The following TCF4 variants were observed in gnomAD, a reference collection of about 807,000 sequenced individuals.
The protein encoded by TCF4 is transcription factor 4.
Under a neutral mutation model 82.1 loss-of-function variants are expected in TCF4, and 3 were observed. The observed-to-expected ratio is 0.04, with a 90% CI of 0.02 to 0.09. The LOEUF is 0.09. Ranked by LOEUF, TCF4 falls within the 10% of genes least tolerant of loss-of-function variation. The probability of loss-of-function intolerance (pLI) is 1.00; values close to 1 mark genes in which losing one functional copy is unlikely to be tolerated. For missense variants in TCF4, 518 were observed against 852.7 expected, an observed-to-expected ratio of 0.61 and a Z score of 4.89; for synonymous variants, 276 against 309.6, an observed-to-expected ratio of 0.89 and a Z score of 1.14.
chr18:55,427,338 A>G (rs8096211), intron 5 of TCF4, among the ~76,000 whole-genome samples: 14,360 of 152,156 alleles, frequency 0.094, 1,389 homozygotes, highest in African/African-American at 0.24. Flanking sequence ...ATGAGTGTCC[A>G]TTTTCTCATC....
intron 3 of TCF4, among the ~76,000 whole-genome samples, chr18:55,538,626 T>G (rs971143647): frequency 1.3e-5 from 2 of 152,178 alleles, no homozygotes; most frequent in African/African-American, 4.8e-5. Context: ...CTTTTAGTGT[T>G]GGTCATCCTA....
At chr18:55,477,127 T>C (rs1354304824) in intron 3 of TCF4, among the ~76,000 whole-genome samples, 2 of 152,266 alleles carry the variant, frequency 1.3e-5, no homozygotes, top group Non-Finnish European at 2.9e-5. Flanking sequence ...CACGATAATG[T>C]AACCACAATT....
chr18:55,379,156 A>G (rs985834424), intron 6 of TCF4, among the ~76,000 whole-genome samples: 1 of 152,232 alleles, frequency 6.6e-6, no homozygotes, highest in African/African-American at 2.4e-5. Context: ...ATTGAATTAT[A>G]AATGTAGAAA....
chr18:55,253,892 T>C (rs1046286121), intron 15 of TCF4, among the ~76,000 whole-genome samples: 7 of 152,150 alleles, frequency 4.6e-5, no homozygotes, highest in Non-Finnish European at 8.8e-5. Context: ...ACACCAACAA[T>C]GACCCAGCAA....
chr18:55,585,084 A>G (rs1321502496), intron 3 of TCF4, among the ~76,000 whole-genome samples, 196 bp downstream of exon 3: 1 of 152,230 alleles, frequency 6.6e-6, no homozygotes, highest in African/African-American at 2.4e-5. Context: ...TGACTTAAAA[A>G]AAAAGACCTA....
At chr18:55,326,545 T>C (rs544902743) in intron 8 of TCF4, among the ~76,000 whole-genome samples, 12 of 152,228 alleles carry the variant, frequency 7.9e-5, no homozygotes, top group African/African-American at 2.9e-4. Flanking sequence ...ATCACAAATC[T>C]TTTTGGAGCA....
chr18:55,257,102 G>C (rs1409898497), intron 14 of TCF4, among the ~76,000 whole-genome samples: 1 of 152,072 alleles, frequency 6.6e-6, no homozygotes, highest in Non-Finnish European at 1.5e-5. Flanking sequence ...GATATTTAGA[G>C]CCCTGGGGCT....
chr18:55,589,840 A>T (rs576358902), upstream of TCF4: 1 of 1,004,288 alleles, frequency 1.0e-6, no homozygotes, highest in East Asian at 7.7e-5. Context: ...CTGCTCCTCC[A>T]GACAATGACT....
chr18:55,456,893 A>AAT (rs2095767417), intron 5 of TCF4, among the ~76,000 whole-genome samples: 1 of 152,214 alleles, frequency 6.6e-6, no homozygotes, highest in African/African-American at 2.4e-5. Flanking sequence ...AAAAACTGCA[A>AAT]TGAAGAAGTC....
At chr18:55,365,191 A>ATATATATATATATATG (rs1361444592) in intron 6 of TCF4, among the ~76,000 whole-genome samples, 54 of 97,904 alleles carry the variant, frequency 5.5e-4, no homozygotes, top group African/African-American at 7.1e-4. Flanking sequence ...ATATATATAT[A>ATATATATATATATATG]TGTGTGTGTG....
intron 5 of TCF4, among the ~76,000 whole-genome samples, chr18:55,420,753 T>A (rs72926982): frequency 0.051 from 7,710 of 152,238 alleles, 271 homozygotes; most frequent in Non-Finnish European, 0.075. Context: ...CTTCCTCATT[T>A]ACACATATTA....
chr18:55,424,509 A>G (rs2094902778), intron 5 of TCF4, among the ~76,000 whole-genome samples: 1 of 152,236 alleles, frequency 6.6e-6, no homozygotes, highest in South Asian at 2.1e-4. Context: ...CTAACTTTCT[A>G]TGGCTTGCAG....
chr18:55,616,878 A>G (rs616580), intron 2 of TCF4, among the ~76,000 whole-genome samples: 80,663 of 151,794 alleles, frequency 0.53, 22,706 homozygotes, highest in African/African-American at 0.72. Flanking sequence ...ATTTTATACC[A>G]TTTGGTAGGT....
intron 13 of TCF4, among the ~76,000 whole-genome samples, chr18:55,257,893 A>T (rs1278901223): frequency 6.6e-6 from 1 of 152,318 alleles, no homozygotes; most frequent in East Asian, 1.9e-4. Context: ...TAAGCCAGAA[A>T]TTTAAAGTCA....
chr18:55,500,857 T>A (rs1224186450), intron 3 of TCF4, among the ~76,000 whole-genome samples: 7 of 152,172 alleles, frequency 4.6e-5, no homozygotes, highest in Non-Finnish European at 1.0e-4. Context: ...TGAGCTCAAA[T>A]AACAGGGCAG....
chr18:55,232,731 A>G, intron 16 of TCF4, 60 bp from the exon 17 acceptor site: 7 of 1,591,010 alleles, frequency 4.4e-6, no homozygotes, highest in Non-Finnish European at 6.0e-6. Context: ...TGCACACCAG[A>G]TTGCAAGGCT....
rs762736069 is a variant in TCF4, at chr18:55,275,612, G to A, written c.789+7C>T. On this transcript the variant is annotated splice_region_variant and intron_variant, in intron 10 of 19. Coordinates refer to ENST00000354452, the MANE Select transcript of TCF4 (RefSeq NM_001083962.2). ...GACATTCCCGTTACCGTGTATGTCT[G>A]CCTTACCAAACGTTCATGTGGATGC... 10 of 1,613,682 alleles carry A rather than the reference G, an allele frequency of 6.2e-6. No individual in the cohort carries two copies. Among genetic ancestry groups the A allele is most frequent in the Non-Finnish European group, 8.5e-6 (10 of 1,179,706 alleles).
chr18:55,429,831 G>A (rs1449822080), intron 5 of TCF4, among the ~76,000 whole-genome samples: 2 of 148,908 alleles, frequency 1.3e-5, no homozygotes, highest in African/African-American at 2.5e-5. Context: ...CAATCCAGGT[G>A]ACTTGCTCCC....
chr18:55,559,021 G>C (rs1274854618), intron 3 of TCF4, among the ~76,000 whole-genome samples: 3 of 145,502 alleles, frequency 2.1e-5, no homozygotes, highest in African/African-American at 5.1e-5. Flanking sequence ...AAAAAGTATG[G>C]TTTGTATATA....
Sources: allele counts gnomAD v4.1 joint callset (sites outside exome capture counted in the v4.1 genomes callset), GRCh38; gene constraint gnomAD v4.1.1; transcripts MANE v1.5; gene names NCBI Gene and HGNC (gene_info 2026-07-23, HGNC 2026-07-21).